PER3: variants seen among roughly 807,000 people sequenced by gnomAD.
The protein encoded by PER3 is period circadian protein homolog 3.
PER3 carries 107 observed loss-of-function variants against 127.2 expected under a neutral mutation model. The observed-to-expected ratio is 0.84, with a 90% CI of 0.72 to 0.99. The LOEUF is 0.99. PER3 is among the 50% of genes least tolerant of loss of function. The pLI, the probability that PER3 is intolerant of heterozygous loss-of-function variation, is 0.00. For synonymous variants in PER3, 618 were observed against 585.8 expected, an observed-to-expected ratio of 1.05 and a Z score of -0.79; for missense variants, 1,560 against 1,525.8, an observed-to-expected ratio of 1.02 and a Z score of -0.37.
At position 7,826,788 on chromosome 1, in the gene PER3, A is replaced by G; in HGVS notation, c.2188+78A>G. 1.2e-6 allele frequency: 1 copy of G among 823,814 alleles called. No homozygotes were observed. Among genetic ancestry groups the G allele is most frequent in the Non-Finnish European group, 2.0e-6 (1 of 496,354 alleles). The allele number at this position is 823,814 out of a possible 1,614,324, so 51.0% of individuals were successfully genotyped here. A position where few individuals can be genotyped will look rare whatever the true frequency, so the allele number is the denominator to read the frequency against. On this transcript the variant is annotated intron_variant, in intron 17 of 21. Coordinates refer to ENST00000377532, the MANE Select transcript of PER3 (RefSeq NM_001377275.1). The surrounding 1 kb of genome is among the most constrained non-coding windows in gnomAD (Gnocchi z 4.2). The stretch of plus-strand genomic sequence containing the variant: ...TGTATCTAAGGACTAGGAGATAAGG[A>G]GTGAACAATAGGAGTTTTACTTGTA...
rs990724730 is a variant in PER3 at position 7,811,868 on chromosome 1, C to T, written c.1522+1280C>T. Among the ~76,000 whole-genome samples the T allele has an allele frequency of 6.5e-4, 99 of 152,050 alleles. 1 individual carries two copies. The highest frequency in any genetic ancestry group is 4.4e-5 in the Non-Finnish European group (3 of 68,010). On this transcript the variant is annotated intron_variant, in intron 13 of 21. Transcript: ENST00000377532. Reference sequence around the variant, plus strand: ...TCTTTCATTTTTTTTCTTTTCACCTCGATAGGAAGTTGAGCATTCCATTGG... The same window carrying T: ...TCTTTCATTTTTTTTCTTTTCACCTTGATAGGAAGTTGAGCATTCCATTGG...
intron 19 of PER3, among the ~76,000 whole-genome samples, chr1:7,831,595 T>G (rs2097331871): frequency 6.6e-6 from 1 of 152,214 alleles, no homozygotes; most frequent in Non-Finnish European, 1.5e-5. Context: ...TTGAATGCCC[T>G]TATCAGATTG....
intron 13 of PER3, among the ~76,000 whole-genome samples, chr1:7,814,913 T>C (rs960959185): frequency 1.3e-5 from 2 of 152,080 alleles, no homozygotes; most frequent in African/African-American, 4.8e-5. Context: ...AGGAAAACAA[T>C]TCGAAAATAT....
Position 7,826,478 on chromosome 1 carries a change from A to G in PER3, c.1958-2A>G. On this transcript the variant is annotated splice_acceptor_variant, in intron 16 of 21. Transcript: ENST00000377532. LOFTEE classifies it high-confidence loss of function. This position sits in a 1 kb window ranked among gnomAD's most constrained non-coding sequence, Gnocchi z 4.2. ...AATTAAATATGTCTTCTTCCACCTC[A>G]GCCAGGGATGCTACCCTCTTCTGTG... The G allele has an allele frequency of 6.4e-7, 1 of 1,565,296 alleles. No individual in the cohort carries two copies. The highest frequency in any genetic ancestry group is 8.8e-7 in the Non-Finnish European group (1 of 1,135,682).
At chr1:7,831,690 A>G (rs991681928) in intron 19 of PER3, among the ~76,000 whole-genome samples, 3 of 152,122 alleles carry the variant, frequency 2.0e-5, no homozygotes, top group African/African-American at 4.8e-5. Flanking sequence ...CCCTTATTCT[A>G]TTAATATGGT....
chr1:7,803,959 G>T (rs1328533923), intron 10 of PER3, 111 bp downstream of exon 10: 4 of 892,764 alleles, frequency 4.5e-6, no homozygotes, highest in African/African-American at 1.7e-5. Flanking sequence ...ATAAAGCACA[G>T]ATTTGTTTTC....
chr1:7,792,201 C>T (rs561293821), intron 5 of PER3, among the ~76,000 whole-genome samples: 13 of 152,326 alleles, frequency 8.5e-5, no homozygotes, highest in Admixed American at 7.8e-4. Flanking sequence ...ACTTAACAAT[C>T]ATGGCAGACG....
intron 14 of PER3, 92 bp downstream of exon 14, chr1:7,819,512 C>A: frequency 8.5e-7 from 1 of 1,182,750 alleles, no homozygotes; most frequent in Non-Finnish European, 1.2e-6. Context: ...AATAGCTGCT[C>A]TGACTTGGTT....
At chr1:7,796,319 C>CTTTTTT (rs71567315) in intron 6 of PER3, among the ~76,000 whole-genome samples, 15,083 of 109,152 alleles carry the variant, frequency 0.14, 1,577 homozygotes, top group Non-Finnish European at 0.18. Context: ...TTTCAGTTTC[C>CTTTTTT]TTTTTTTTTT....
chr1:7,791,748 C>T (rs189870025), intron 5 of PER3, among the ~76,000 whole-genome samples: 257 of 152,326 alleles, frequency 1.7e-3, no homozygotes, highest in Middle Eastern at 3.4e-3. Flanking sequence ...TAAATCATCT[C>T]TCTCAAGTTC....
At chr1:7,820,740 T>C (rs768335603) in intron 16 of PER3, 100 bp downstream of exon 16, 6 of 884,228 alleles carry the variant, frequency 6.8e-6, no homozygotes, top group Non-Finnish European at 1.0e-5. Flanking sequence ...TTGTAACTTC[T>C]AAACTACACA....
At chr1:7,802,881 T>C (rs1289194364) in intron 8 of PER3, among the ~76,000 whole-genome samples, 166 bp from the exon 9 acceptor site, 2 of 152,262 alleles carry the variant, frequency 1.3e-5, no homozygotes, top group Non-Finnish European at 1.5e-5. Flanking sequence ...ATACAGCCAT[T>C]TCCCCCAGGA....
intron 14 of PER3, among the ~76,000 whole-genome samples, chr1:7,819,789 G>A (rs2097267305): frequency 8.2e-6 from 1 of 121,290 alleles, no homozygotes; most frequent in East Asian, 2.6e-4. Context: ...ATTTTTTTGT[G>A]TGATTTTTTT....
chr1:7,839,289 T>G (rs147339630), intron 21 of PER3, among the ~76,000 whole-genome samples: 17 of 152,342 alleles, frequency 1.1e-4, no homozygotes, highest in African/African-American at 3.8e-4. Flanking sequence ...ACGTTGTGTT[T>G]CCAAAAACAT....
intron 6 of PER3, among the ~76,000 whole-genome samples, chr1:7,798,080 G>A (rs1020689495): frequency 1.3e-5 from 2 of 152,204 alleles, no homozygotes; most frequent in African/African-American, 2.4e-5. Context: ...AGCTGGAGAC[G>A]AAATTGGTTC....
At chr1:7,802,988 A>G (rs1310257093) in intron 8 of PER3, 59 bp from the exon 9 acceptor site, 1 of 890,688 alleles carries the variant, frequency 1.1e-6, no homozygotes, top group East Asian at 2.4e-5. Context: ...AAGTATTTTT[A>G]AAAGTGTATA....
At chr1:7,837,197 G>T (rs140587065) in intron 21 of PER3, 48 bp downstream of exon 21, 2 of 1,540,804 alleles carry the variant, frequency 1.3e-6, no homozygotes, top group South Asian at 2.4e-5. Flanking sequence ...TTTTGGCCAG[G>T]TAGTGCTTTT....
In PER3 at chr1:7,826,700, A is replaced by G. The variant is rs1392733570; in HGVS notation, c.2178A>G (p.Ser726=). ...QQESRSKAKY[S]YFQGDSTSKQ... is the part of the protein sequence containing the mutation. ...AAAGCAGGAGCAAAGCTAAATATTC[A>G]TATTTTCAAGGTACGTAATTTTTTA... The change falls in exon 17 of 22, where the codon TCA becomes TCG. Residue 726 remains serine, a synonymous_variant. Transcript: ENST00000377532. This position sits in a 1 kb window ranked among gnomAD's most constrained non-coding sequence, Gnocchi z 4.2. The G allele has an allele frequency of 6.3e-6, 10 of 1,592,108 alleles. No individual in the cohort carries two copies. The highest frequency in any genetic ancestry group is 1.3e-5 in the African/African-American group (1 of 74,582).
rs2097305248 is a variant in PER3, at chr1:7,827,158, G to A, written c.2229G>A (p.Arg743=). 3.1e-6 allele frequency: 5 copies of A among 1,610,136 alleles called. No homozygotes were observed. Among genetic ancestry groups the A allele is most frequent in the Non-Finnish European group, 4.2e-6 (5 of 1,178,444 alleles). ...TSKQTRSAGC[R]KGKHKRKKLP... ...AGCAGACGCGGTCGGCCGGCTGCAG[G>A]AAAGGGAAGCACAAGCGGAAGAAGC... Residue 743 remains arginine, a synonymous_variant, in exon 18 of 22, where the codon AGG becomes AGA. Transcript: ENST00000377532.
Sources: gnomAD v4.1 joint callset for allele counts (sites outside exome capture counted in the v4.1 genomes callset) on GRCh38, gnomAD v4.1.1 for gene constraint, Gnocchi (gnomAD v3.1) non-coding constraint, MANE v1.5 for transcripts, NCBI Gene and HGNC (gene_info 2026-07-23, HGNC 2026-07-21) for gene names.